The following NRG3 variants were observed in gnomAD, a reference collection of about 807,000 sequenced individuals.
NRG3 encodes the protein neuregulin 3.
Under a neutral mutation model 66.9 loss-of-function variants are expected in NRG3, and 31 were observed. The observed-to-expected ratio is 0.46, with a 90% CI of 0.35 to 0.63. The LOEUF is 0.63. Among genes scored for constraint, NRG3 ranks in the 20% least tolerant of loss-of-function variants. The pLI, the probability that NRG3 is intolerant of heterozygous loss-of-function variation, is 0.00. For missense variants in NRG3, 910 were observed against 878.9 expected, an observed-to-expected ratio of 1.04 and a Z score of -0.45; for synonymous variants, 393 against 359.4, an observed-to-expected ratio of 1.09 and a Z score of -1.06.
intron 3 of NRG3, among the ~76,000 whole-genome samples, chr10:82,756,384 A>G (rs112909045): frequency 0.032 from 4,814 of 152,244 alleles, 270 homozygotes; most frequent in African/African-American, 0.11. Flanking sequence ...TCCCGGTTTT[A>G]CATACTAATG....
chr10:82,913,242 A>T (rs1219693918), intron 4 of NRG3, among the ~76,000 whole-genome samples: 2 of 152,176 alleles, frequency 1.3e-5, no homozygotes, highest in African/African-American at 4.8e-5. Flanking sequence ...AAAGAAAAAA[A>T]GTACTTCCAA....
intron 2 of NRG3, among the ~76,000 whole-genome samples, chr10:82,534,580 A>G (rs1451924711): frequency 3.3e-5 from 5 of 152,096 alleles, no homozygotes; most frequent in Admixed American, 2.0e-4. Context: ...AAATTTTAAA[A>G]TGCATATGGA....
chr10:82,290,732 T>C (rs1161042005), intron 1 of NRG3, among the ~76,000 whole-genome samples: 1 of 151,882 alleles, frequency 6.6e-6, no homozygotes, highest in Non-Finnish European at 1.5e-5. Context: ...CCTCCTGGGT[T>C]CACACCATCT....
intron 1 of NRG3, among the ~76,000 whole-genome samples, chr10:82,207,519 G>C (rs1463496218): frequency 2.0e-5 from 3 of 152,158 alleles, no homozygotes; most frequent in Non-Finnish European, 4.4e-5. Context: ...CACTTAGTAA[G>C]TCATCAGTTA....
chr10:82,964,176 G>C (rs960297067), intron 6 of NRG3, among the ~76,000 whole-genome samples: 2 of 152,164 alleles, frequency 1.3e-5, no homozygotes, highest in Admixed American at 6.5e-5. Context: ...GGCATGTGAT[G>C]ATGACAAAAA....
At chr10:82,656,398 G>C (rs752032560) in intron 2 of NRG3, among the ~76,000 whole-genome samples, 16 of 143,738 alleles carry the variant, frequency 1.1e-4, no homozygotes, top group Non-Finnish European at 1.8e-4. Context: ...TACCAAATTT[G>C]AAAATAGAAA....
intron 1 of NRG3, among the ~76,000 whole-genome samples, chr10:82,156,023 T>G (rs1041359780): frequency 6.6e-6 from 1 of 151,660 alleles, no homozygotes; most frequent in South Asian, 2.1e-4. Flanking sequence ...GGAACTGATA[T>G]AGCTCAGTGT....
chr10:82,129,235 A>T lies in NRG3; in HGVS notation c.824-229504A>T, dbSNP rs138690240. Among the ~76,000 whole-genome samples the T allele has an allele frequency of 2.4e-3, 361 of 149,966 alleles. 4 individuals carry two copies. Among genetic ancestry groups the T allele is most frequent in the African/African-American group, 8.3e-3 (343 of 41,350 alleles). ...GGCAGTGCTCTAAATTTTTAACATA[A>T]TGTTCTCAATACACAGTATTCCTGT... is the stretch of plus-strand genomic sequence containing the variant. On this transcript the variant is annotated intron_variant, in intron 1 of 8. Transcript: ENST00000372141.
intron 2 of NRG3, among the ~76,000 whole-genome samples, chr10:82,646,703 T>A (rs980907387): frequency 9.9e-5 from 15 of 152,216 alleles, no homozygotes; most frequent in African/African-American, 3.6e-4. Context: ...ACAGAAGTGT[T>A]CTTAGATGCT....
intron 1 of NRG3, among the ~76,000 whole-genome samples, chr10:82,103,904 T>C (rs556971795): frequency 1.3e-5 from 2 of 150,762 alleles, no homozygotes; most frequent in African/African-American, 4.9e-5. Context: ...TAAGTAGGGA[T>C]TCCCCCATAC....
intron 2 of NRG3, among the ~76,000 whole-genome samples, chr10:82,504,112 T>C (rs1565000085): frequency 6.6e-6 from 1 of 152,176 alleles, no homozygotes; most frequent in Non-Finnish European, 1.5e-5. Flanking sequence ...TATAGTAAGC[T>C]CTTGTCTGTG....
intron 1 of NRG3, among the ~76,000 whole-genome samples, chr10:82,269,354 A>G (rs1472744578): frequency 2.0e-5 from 3 of 152,184 alleles, no homozygotes; most frequent in African/African-American, 2.4e-5. Flanking sequence ...AAGTGGAAAC[A>G]GTCATAATGT....
intron 2 of NRG3, among the ~76,000 whole-genome samples, chr10:82,637,908 A>G (rs923435075): frequency 4.9e-5 from 6 of 122,442 alleles, no homozygotes; most frequent in Non-Finnish European, 1.1e-4. Context: ...TGATATTTAT[A>G]TCACAGTCAT....
chr10:82,727,744 A>T (rs994968892), intron 2 of NRG3, among the ~76,000 whole-genome samples: 12 of 152,130 alleles, frequency 7.9e-5, no homozygotes, highest in Non-Finnish European at 1.5e-5. Context: ...AGACCCCAGA[A>T]TGGTAGATCC....
chr10:82,589,044 A>C (rs1342241137), intron 2 of NRG3, among the ~76,000 whole-genome samples: 1 of 152,084 alleles, frequency 6.6e-6, no homozygotes, highest in Non-Finnish European at 1.5e-5. Flanking sequence ...TGGCCTACGC[A>C]TTGCAAGGGA....
intron 3 of NRG3, among the ~76,000 whole-genome samples, chr10:82,764,422 A>G (rs965824209): frequency 2.7e-5 from 4 of 147,918 alleles, no homozygotes; most frequent in Non-Finnish European, 5.9e-5. Context: ...CTGTCGCCTA[A>G]GTGCAGTGGT....
In NRG3 at chr10:81,875,219, G is replaced by A. The variant is rs1271049678; in HGVS notation, c.-122G>A. 1.8e-5 allele frequency: 8 copies of A among 444,122 alleles called. No individual in the cohort carries two copies. Among genetic ancestry groups the A allele is most frequent in the Admixed American group, 1.3e-4 (2 of 15,038 alleles). 27.5% of individuals were successfully genotyped at this position (444,122 alleles called of 1,614,324 possible). ...GGATTTGCATGCGGCCGCCGCGGCC[G>A]CTGCCTGCGCCCGAGCCCGCCGCCG... On this transcript the variant is annotated 5_prime_UTR_variant, in exon 1 of 9. Coordinates refer to ENST00000372141, the MANE Select transcript of NRG3 (RefSeq NM_001010848.4). This position sits in a 1 kb window ranked among gnomAD's most constrained non-coding sequence, Gnocchi z 5.3.
At chr10:82,020,644 A>T (rs1589809578) in intron 1 of NRG3, among the ~76,000 whole-genome samples, 1 of 152,242 alleles carries the variant, frequency 6.6e-6, no homozygotes, top group African/African-American at 2.4e-5. Context: ...TGAGCCTCAA[A>T]GAAGTTAGCT....
chr10:82,844,511 T>C (rs938396187), intron 3 of NRG3, among the ~76,000 whole-genome samples: 8 of 152,202 alleles, frequency 5.3e-5, no homozygotes, highest in Non-Finnish European at 1.2e-4. Context: ...TTACTAGTTA[T>C]ATGATCTTGG....
Sources: allele counts gnomAD v4.1 joint callset (sites outside exome capture counted in the v4.1 genomes callset), GRCh38; gene constraint gnomAD v4.1.1; non-coding constraint Gnocchi (gnomAD v3.1); transcripts MANE v1.5; gene names NCBI Gene and HGNC (gene_info 2026-07-23, HGNC 2026-07-21).